The following HAGH variants were observed in gnomAD, a reference collection of about 807,000 sequenced individuals.
The protein encoded by HAGH is hydroxyacylglutathione hydrolase, also known as hydroxyacylglutathione hydrolase, mitochondrial.
Under a neutral mutation model 35.1 loss-of-function variants are expected in HAGH, and 29 were observed. The ratio of observed to expected loss-of-function variants is 0.83; its 90% CI spans 0.62 to 1.13. The LOEUF (loss-of-function observed/expected upper bound fraction) is 1.13, where lower values mean the gene tolerates loss of function less well. Among genes scored for constraint, HAGH ranks in the 50% most tolerant of loss-of-function variants. The probability of loss-of-function intolerance (pLI) is 0.00; values close to 1 mark genes in which losing one functional copy is unlikely to be tolerated. For missense variants in HAGH, 478 were observed against 419.6 expected (o/e 1.14, Z -1.22); for synonymous variants, 225 against 176.1 (o/e 1.28, Z -2.20).
intron 1 of HAGH, among the ~76,000 whole-genome samples, chr16:1,824,154 G>A (rs1025633656): frequency 1.3e-5 from 2 of 151,076 alleles, no homozygotes; most frequent in African/African-American, 4.9e-5. Context: ...TCCGGGAGGT[G>A]AAAGTTTCAG....
At chr16:1,827,082 C>T, upstream of HAGH, 2 of 1,138,266 alleles carry the variant, frequency 1.8e-6, no homozygotes, top group Non-Finnish European at 2.4e-6. Context: ...CCCTGGAGGC[C>T]GAGCGCCACG....
Position 1,822,377 on chromosome 16 carries a change from CG to C in HAGH, c.250-14del. 6.2e-7 allele frequency: 1 copy of C among 1,600,988 alleles called. No individual in the cohort carries two copies. Among genetic ancestry groups the C allele is most frequent in the Non-Finnish European group, 8.5e-7 (1 of 1,170,686 alleles). On this transcript the variant is annotated splice_polypyrimidine_tract_variant and intron_variant, in intron 2 of 8. Coordinates refer to ENST00000397356, the MANE Select transcript of HAGH (RefSeq NM_005326.6). ...CCGCGTCCACGACCTGCAGTGGCCC[CG>C]GGGAAGGACAAAGGCCTGTCACACT...
intron 1 of HAGH, among the ~76,000 whole-genome samples, chr16:1,825,744 T>C (rs1898375530): frequency 6.6e-6 from 1 of 152,286 alleles, no homozygotes; most frequent in East Asian, 1.9e-4. Flanking sequence ...CGGCTGATTT[T>C]GTTTAGTTTT....
chr16:1,810,197 C>T (rs1000094485), intron 7 of HAGH: 9 of 202,052 alleles, frequency 4.5e-5, no homozygotes, highest in Non-Finnish European at 7.2e-5. Context: ...AACCTTAGGA[C>T]ACTGCCCGAC....
chr16:1,817,281 A>G lies in HAGH; in HGVS notation c.542-10T>C. The stretch of plus-strand genomic sequence containing the variant: ...ACAAACAAGGTGTCACCTGGAAACA[A>G]GGACAGCCACGAGGTGGGGGCCACT... On this transcript the variant is annotated splice_polypyrimidine_tract_variant and intron_variant, in intron 5 of 8. Coordinates refer to ENST00000397356, the MANE Select transcript of HAGH (RefSeq NM_005326.6). 1 of 1,583,448 alleles carries G rather than the reference A, an allele frequency of 6.3e-7. No individual in the cohort carries two copies. The highest frequency in any genetic ancestry group is 8.7e-7 in the Non-Finnish European group (1 of 1,152,108).
intron 7 of HAGH, among the ~76,000 whole-genome samples, chr16:1,812,062 C>G (rs1897671388): frequency 6.6e-6 from 1 of 151,990 alleles, no homozygotes; most frequent in Non-Finnish European, 1.5e-5. Flanking sequence ...CATGATGGCA[C>G]AGGCCTGTAG....
At position 1,809,842 on chromosome 16, in the gene HAGH, G is replaced by C. The variant is rs1282591483; in HGVS notation, c.748-9C>G. 2.5e-6 allele frequency: 4 copies of C among 1,608,514 alleles called. No homozygotes were observed. Among genetic ancestry groups the C allele is most frequent in the Non-Finnish European group, 3.4e-6 (4 of 1,174,910 alleles). On this transcript the variant is annotated splice_polypyrimidine_tract_variant and intron_variant, in intron 7 of 8. Coordinates refer to ENST00000397356, the MANE Select transcript of HAGH (RefSeq NM_005326.6). ...CCGATGCTGTACTTCTCCTGCAAGA[G>C]AAACGCACCACTTTATCACGGGAAC...
chr16:1,814,930 T>C lies in HAGH; in HGVS notation c.747+1963A>G, dbSNP rs140656539. ...AAACAAATAAATATATATATGTATA[T>C]ACACACACACACACACACACACACA... On this transcript the variant is annotated intron_variant, in intron 7 of 8. Coordinates refer to ENST00000397356, the MANE Select transcript of HAGH (RefSeq NM_005326.6). Among the ~76,000 whole-genome samples the C allele has an allele frequency of 8.6e-3, 1,212 of 140,714 alleles. 8 individuals carry two copies. Among genetic ancestry groups the C allele is most frequent in the South Asian group, 0.011 (48 of 4,376 alleles). 92.3% of individuals were successfully genotyped at this position (140,714 alleles called of 152,430 possible).
At position 1,826,751 on chromosome 16, in the gene HAGH, G is replaced by A. The variant is rs1376633698; in HGVS notation, c.37C>T (p.Leu13Phe). The A allele has an allele frequency of 1.7e-6, 2 of 1,201,146 alleles. No individual in the cohort carries two copies. Among genetic ancestry groups the A allele is most frequent in the African/African-American group, 1.6e-5 (1 of 62,988 alleles). The allele number at this position is 1,201,146 out of a possible 1,614,324, so 74.4% of individuals were successfully genotyped here. ...GCGCAGGCGGCTCCCAGCGCGGCGA[G>A]GCTGCGGCGGCCGAGCAGCCCTCGG... is the stretch of plus-strand genomic sequence containing the variant. ...VGRGLLGRRS[L>F]AALGAACARR... is the part of the protein sequence containing the mutation. The change falls in exon 1 of 9, where the codon CTC (leucine) becomes TTC (phenylalanine). Residue 13 changes from leucine to phenylalanine, a missense_variant. Coordinates refer to ENST00000397356, the MANE Select transcript of HAGH (RefSeq NM_005326.6).
chr16:1,826,835 C>G, upstream of HAGH: 3 of 1,156,678 alleles, frequency 2.6e-6, no homozygotes, highest in Non-Finnish European at 1.1e-6. Context: ...TGCAAAACAC[C>G]GGCGTCGGCG....
chr16:1,823,582 C>T (rs78150312), intron 1 of HAGH, among the ~76,000 whole-genome samples: 7,331 of 151,096 alleles, frequency 0.049, 484 homozygotes, highest in East Asian at 0.15. Flanking sequence ...CTTGTCTTTG[C>T]AAATTTAAAA....
intron 3 of HAGH, among the ~76,000 whole-genome samples, chr16:1,820,605 C>T (rs1567260455): frequency 6.6e-6 from 1 of 152,172 alleles, no homozygotes; most frequent in East Asian, 1.9e-4. Context: ...CTCCTACGCG[C>T]CCAGGTTTCC....
intron 7 of HAGH, among the ~76,000 whole-genome samples, chr16:1,815,907 T>C (rs1157868431): frequency 2.0e-5 from 3 of 149,764 alleles, no homozygotes; most frequent in Non-Finnish European, 4.4e-5. Flanking sequence ...TAATCCCAGC[T>C]ACTCAAGAGG....
At chr16:1,814,689 G>T (rs1446236744) in intron 7 of HAGH, among the ~76,000 whole-genome samples, 1 of 151,904 alleles carries the variant, frequency 6.6e-6, no homozygotes, top group African/African-American at 2.4e-5. Flanking sequence ...CACGAGGTCA[G>T]GAGATCGAGA....
At chr16:1,821,701 T>A (rs992982315) in intron 3 of HAGH, 1 of 152,398 alleles carries the variant, frequency 6.6e-6, no homozygotes, top group Admixed American at 6.5e-5. Flanking sequence ...TGCCACGATC[T>A]TGGCTCACGG....
At chr16:1,821,572 A>G (rs1898147633) in intron 3 of HAGH, 1 of 152,268 alleles carries the variant, frequency 6.6e-6, no homozygotes, top group Non-Finnish European at 1.5e-5. Context: ...GAACCCAGAC[A>G]GGGCATTTTA....
In HAGH at chr16:1,824,977, G is replaced by A. The variant is rs778221764; in HGVS notation, c.76+1735C>T. Among the ~76,000 whole-genome samples the A allele has an allele frequency of 5.9e-5, 9 of 152,288 alleles. No individual in the cohort carries two copies. In the Middle Eastern group the frequency reaches 0.017, roughly 288 times the overall value. On this transcript the variant is annotated intron_variant, in intron 1 of 8. Coordinates refer to ENST00000397356, the MANE Select transcript of HAGH (RefSeq NM_005326.6). ...TGTGACAGGATTCCGAGTGCCGGGC[G>A]TCCTCCTGGAAAGGAGCTCCATTAC...
chr16:1,809,449 G>T, intron 8 of HAGH, 67 bp from the exon 9 acceptor site: 2 of 1,300,538 alleles, frequency 1.5e-6, no homozygotes, highest in Non-Finnish European at 2.2e-6. Context: ...CAGGGCCACT[G>T]CAGAGGAAGG....
intron 7 of HAGH, among the ~76,000 whole-genome samples, chr16:1,811,084 T>C (rs574445170): frequency 6.6e-6 from 1 of 152,216 alleles, no homozygotes; most frequent in Non-Finnish European, 1.5e-5. Flanking sequence ...GTTCTAGCTA[T>C]TTTTCCTACA....
Sources: allele counts gnomAD v4.1 joint callset (sites outside exome capture counted in the v4.1 genomes callset), GRCh38; gene constraint gnomAD v4.1.1; transcripts MANE v1.5; gene names NCBI Gene and HGNC (gene_info 2026-07-23, HGNC 2026-07-21).